HDAC4: variants seen among roughly 807,000 people sequenced by gnomAD.
HDAC4 encodes histone deacetylase A.
Under a neutral mutation model 135.1 loss-of-function variants are expected in HDAC4, and 16 were observed. That is an observed-to-expected ratio of 0.12 (90% CI 0.08 to 0.18). HDAC4 has a LOEUF of 0.18. Among genes scored for constraint, HDAC4 ranks in the 10% least tolerant of loss-of-function variants. The pLI, the probability that HDAC4 is intolerant of heterozygous loss-of-function variation, is 1.00. For missense variants in HDAC4, 1,143 were observed against 1,511.8 expected, an observed-to-expected ratio of 0.76 and a Z score of 4.05; for synonymous variants, 685 against 653.4, an observed-to-expected ratio of 1.05 and a Z score of -0.74.
intron 1 of HDAC4, among the ~76,000 whole-genome samples, chr2:239,375,928 G>A (rs536190837): frequency 1.3e-5 from 2 of 152,252 alleles, no homozygotes; most frequent in Non-Finnish European, 2.9e-5. Context: ...ACCCGACTGC[G>A]AGTGTCACCT....
Position 239,084,333 on chromosome 2 carries a change from C to T in HDAC4, c.2445-91G>A, listed in dbSNP as rs2035652583. 3 of 859,246 alleles carry T rather than the reference C, an allele frequency of 3.5e-6. No homozygotes were observed. In the East Asian group the frequency reaches 7.9e-5, roughly 23 times the overall value. The allele number at this position is 859,246 out of a possible 1,614,324, so 53.2% of individuals were successfully genotyped here. A position where few individuals can be genotyped will look rare whatever the true frequency, so the allele number is the denominator to read the frequency against. On this transcript the variant is annotated intron_variant, in intron 19 of 26. Coordinates refer to ENST00000543185, the MANE Select transcript of HDAC4 (RefSeq NM_001378414.1). Reference sequence around the variant, plus strand: ...GCCAGAGAGCCACTCGGGGTCCACGCAGACCTAAGAGGTCTCTGTGAGTGC... The same window carrying T: ...GCCAGAGAGCCACTCGGGGTCCACGTAGACCTAAGAGGTCTCTGTGAGTGC...
chr2:239,317,566 G>C (rs903616025), intron 2 of HDAC4, among the ~76,000 whole-genome samples: 1 of 152,152 alleles, frequency 6.6e-6, no homozygotes, highest in East Asian at 1.9e-4. Flanking sequence ...GGCCAAACTG[G>C]AACAATTTGG....
chr2:239,140,804 C>CCT (rs990005639), intron 8 of HDAC4: 62 of 343,240 alleles, frequency 1.8e-4, no homozygotes, highest in African/African-American at 1.3e-3. Context: ...AGCAAAGCCT[C>CCT]CTCCACGGTC....
intron 3 of HDAC4, among the ~76,000 whole-genome samples, chr2:239,226,481 T>A (rs1445000460): frequency 6.6e-6 from 1 of 152,192 alleles, no homozygotes; most frequent in African/African-American, 2.4e-5. Flanking sequence ...CCAGATTTGC[T>A]GTGGATGTGT....
intron 1 of HDAC4, among the ~76,000 whole-genome samples, chr2:239,390,545 C>T (rs1472027320): frequency 6.6e-6 from 1 of 151,990 alleles, no homozygotes; most frequent in Non-Finnish European, 1.5e-5. Context: ...CAAAGCAGGA[C>T]TCTGTCTCAA....
intron 1 of HDAC4, among the ~76,000 whole-genome samples, chr2:239,372,102 C>T (rs1263645553): frequency 6.6e-6 from 1 of 152,166 alleles, no homozygotes; most frequent in East Asian, 1.9e-4. Flanking sequence ...TAGGGTGAAG[C>T]AGGAACCCAT....
At chr2:239,207,068 G>A (rs2046089402) in intron 3 of HDAC4, among the ~76,000 whole-genome samples, 1 of 151,934 alleles carries the variant, frequency 6.6e-6, no homozygotes, top group Non-Finnish European at 1.5e-5. Flanking sequence ...ACGCCCCAGG[G>A]CTCACTCCAC....
At chr2:239,163,050 A>G (rs1019729532) in intron 6 of HDAC4, among the ~76,000 whole-genome samples, 1 of 151,594 alleles carries the variant, frequency 6.6e-6, no homozygotes, top group Non-Finnish European at 1.5e-5. Context: ...TTCAAGCCGC[A>G]TCACCTCGCC....
intron 15 of HDAC4, among the ~76,000 whole-genome samples, chr2:239,105,237 T>TGGCCCTGGTCTCTGTGGC (rs2038015405): frequency 6.6e-6 from 1 of 152,206 alleles, no homozygotes; most frequent in Admixed American, 6.5e-5. Flanking sequence ...ATCCCAGTGG[T>TGGCCCTGGTCTCTGTGGC]GGCCCTGGTC....
intron 4 of HDAC4, among the ~76,000 whole-genome samples, chr2:239,185,271 G>A (rs1324359376): frequency 2.0e-5 from 3 of 151,734 alleles, no homozygotes; most frequent in African/African-American, 4.8e-5. Flanking sequence ...GGGGTGCCTC[G>A]GTGTCTTCTG....
intron 20 of HDAC4, among the ~76,000 whole-genome samples, chr2:239,083,608 A>C (rs951912142): frequency 2.6e-5 from 4 of 152,248 alleles, no homozygotes; most frequent in Non-Finnish European, 5.9e-5. Context: ...TTGAATATTA[A>C]TTTCCGGTAT....
intron 7 of HDAC4, among the ~76,000 whole-genome samples, chr2:239,147,172 A>G (rs909830859): frequency 3.3e-5 from 5 of 152,182 alleles, no homozygotes; most frequent in African/African-American, 1.2e-4. Flanking sequence ...GGGATGCTGG[A>G]GACCACCCGG....
intron 2 of HDAC4, among the ~76,000 whole-genome samples, chr2:239,346,671 A>G (rs976193811): frequency 2.0e-5 from 3 of 150,174 alleles, no homozygotes; most frequent in African/African-American, 4.9e-5. Context: ...AATACAGTCT[A>G]AAACACACAC....
At chr2:239,267,220 C>A (rs2049787940) in intron 2 of HDAC4, among the ~76,000 whole-genome samples, 2 of 152,198 alleles carry the variant, frequency 1.3e-5, no homozygotes, top group South Asian at 4.1e-4. Context: ...CAGTGCCCGG[C>A]CCACAGAAAG....
chr2:239,194,825 C>A (rs1025935341), intron 3 of HDAC4, among the ~76,000 whole-genome samples: 1 of 152,216 alleles, frequency 6.6e-6, no homozygotes, highest in Non-Finnish European at 1.5e-5. Flanking sequence ...GCAGGCAGGG[C>A]TCCTTCCAGC....
At chr2:239,374,844 G>A (rs1440521504) in intron 1 of HDAC4, among the ~76,000 whole-genome samples, 1 of 152,222 alleles carries the variant, frequency 6.6e-6, no homozygotes, top group African/African-American at 2.4e-5. Flanking sequence ...GAGCCAAGCT[G>A]GCCACAGGTC....
chr2:239,058,917 C>T (rs1410780447), intron 24 of HDAC4, among the ~76,000 whole-genome samples: 1 of 152,164 alleles, frequency 6.6e-6, no homozygotes, highest in African/African-American at 2.4e-5. Flanking sequence ...ACACATTATC[C>T]CAAACACATG....
At chr2:239,162,768 C>T (rs534677550) in intron 6 of HDAC4, among the ~76,000 whole-genome samples, 2 of 152,294 alleles carry the variant, frequency 1.3e-5, no homozygotes, top group African/African-American at 4.8e-5. Flanking sequence ...AGGACGTGGG[C>T]CACCTGTGCT....
chr2:239,278,164 T>C (rs1441304058), intron 2 of HDAC4, among the ~76,000 whole-genome samples: 2 of 128,724 alleles, frequency 1.6e-5, no homozygotes, highest in Non-Finnish European at 1.6e-5. Context: ...GTTTTCAAAT[T>C]ATCCCACCAT....
Sources: gnomAD v4.1 joint callset for allele counts (sites outside exome capture counted in the v4.1 genomes callset) on GRCh38, gnomAD v4.1.1 for gene constraint, MANE v1.5 for transcripts, NCBI Gene and HGNC (gene_info 2026-07-23, HGNC 2026-07-21) for gene names.